The following KIF16B variants were observed in gnomAD, a reference collection of about 807,000 sequenced individuals.
KIF16B encodes kinesin family member 16B.
Under a neutral mutation model 156.3 loss-of-function variants are expected in KIF16B, and 98 were observed. The observed-to-expected ratio is 0.63, with a 90% confidence interval of 0.53 to 0.74. The LOEUF is 0.74. Among genes scored for constraint, KIF16B ranks in the 30% least tolerant of loss-of-function variants. The pLI, the probability that KIF16B is intolerant of heterozygous loss-of-function variation, is 0.00. For synonymous variants in KIF16B, 564 were observed against 583.7 expected, an observed-to-expected ratio of 0.97 and a Z score of 0.49; for missense variants, 1,421 against 1,606.5, an observed-to-expected ratio of 0.88 and a Z score of 1.97.
intron 24 of KIF16B, among the ~76,000 whole-genome samples, chr20:16,320,204 A>G (rs1243667774): frequency 6.6e-6 from 1 of 152,168 alleles, no homozygotes; most frequent in Non-Finnish European, 1.5e-5. Flanking sequence ...ATCGACATCA[A>G]CCAATAAACC....
intron 22 of KIF16B, among the ~76,000 whole-genome samples, chr20:16,364,126 C>T (rs56366139): frequency 0.011 from 1,699 of 152,272 alleles, 10 homozygotes; most frequent in Non-Finnish European, 0.016. Context: ...GGCTTAAGTA[C>T]TCTCTTCCAA....
chr20:16,334,161 A>G (rs1027699360), intron 24 of KIF16B, among the ~76,000 whole-genome samples: 2 of 152,216 alleles, frequency 1.3e-5, no homozygotes, highest in South Asian at 2.1e-4. Context: ...GTGTGTATAT[A>G]AAGTCTGAGT....
chr20:16,549,498 C>T (rs1487205285), intron 1 of KIF16B, among the ~76,000 whole-genome samples: 1 of 151,882 alleles, frequency 6.6e-6, no homozygotes, highest in Non-Finnish European at 1.5e-5. Context: ...CCGCAATAAA[C>T]ATACGTGTGC....
In KIF16B at chr20:16,380,146, A is replaced by T. The variant is rs1166704672; in HGVS notation, c.1856T>A (p.Met619Lys). 1 of 1,504,072 alleles carries T rather than the reference A, an allele frequency of 6.6e-7. No homozygotes were observed. The highest frequency in any genetic ancestry group is 1.4e-5 in the South Asian group (1 of 70,868). 93.2% of individuals were successfully genotyped at this position (1,504,072 alleles called of 1,614,324 possible). Reference sequence around the variant, plus strand: ...CTTGTCTGATTTCTGCTTTTCCTCCATTTCTTCTATGAGTTTCCTGAAATG... The same window carrying T: ...CTTGTCTGATTTCTGCTTTTCCTCCTTTTCTTCTATGAGTTTCCTGAAATG... ...LESKRKLIEE[M>K]EEKQKSDKAE... Residue 619 changes from methionine to lysine, a missense_variant, in exon 19 of 26, where the codon ATG becomes AAG. Transcript: ENST00000354981.
At position 16,379,299 on chromosome 20, in the gene KIF16B, C is replaced by A. The variant is rs765379253; in HGVS notation, c.2703G>T (p.Arg901Ser). Residue 901 changes from arginine (R) to serine (S), a missense_variant, in exon 19 of 26, where the codon AGG (arginine) becomes AGT (serine). By Grantham distance (110) the Arg-to-Ser change is moderately radical. Transcript: ENST00000354981. ...GTAGCTGGCGTTCTTTATATTGCAGCCTGTACTCCACTGGCTTTATTTTCT... is the reference window on the plus strand; with the variant it reads ...GTAGCTGGCGTTCTTTATATTGCAGACTGTACTCCACTGGCTTTATTTTCT... ...DFEKIKPVEYRLQYKERQLQY... is the reference protein window; with the variant it reads ...DFEKIKPVEYSLQYKERQLQY... The A allele has an allele frequency of 6.2e-7, 1 of 1,612,892 alleles. No individual in the cohort carries two copies. The highest frequency in any genetic ancestry group is 1.1e-5 in the South Asian group (1 of 90,900).
intron 24 of KIF16B, among the ~76,000 whole-genome samples, chr20:16,327,534 G>A (rs1410052918): frequency 6.6e-6 from 1 of 152,094 alleles, no homozygotes; most frequent in Non-Finnish European, 1.5e-5. Flanking sequence ...AACATCCTAT[G>A]GAGGATTTGC....
At chr20:16,360,930 C>T (rs933471071) in intron 22 of KIF16B, among the ~76,000 whole-genome samples, 28 of 152,138 alleles carry the variant, frequency 1.8e-4, no homozygotes, top group Admixed American at 4.6e-4. Flanking sequence ...GAACATGAAA[C>T]GGTCCAGGTC....
At chr20:16,381,774 A>G (rs1267168788) in intron 17 of KIF16B, 27 bp from the exon 18 acceptor site, 1 of 1,582,546 alleles carries the variant, frequency 6.3e-7, no homozygotes, top group South Asian at 1.1e-5. Flanking sequence ...AAAATGAGTC[A>G]CTTTTCTAAA....
chr20:16,516,666 ACCAC>A (rs1260500721), intron 3 of KIF16B, among the ~76,000 whole-genome samples: 4 of 152,196 alleles, frequency 2.6e-5, no homozygotes, highest in Non-Finnish European at 5.9e-5. Context: ...TATGAGTGAC[ACCAC>A]ATCAGCCAAC....
chr20:16,401,028 T>C (rs1390588721), intron 17 of KIF16B, among the ~76,000 whole-genome samples: 2 of 152,148 alleles, frequency 1.3e-5, no homozygotes, highest in Non-Finnish European at 2.9e-5. Context: ...GCAACTAAAA[T>C]TGATGGGCAA....
chr20:16,418,466 G>A (rs982014033), intron 15 of KIF16B, among the ~76,000 whole-genome samples: 10 of 152,084 alleles, frequency 6.6e-5, no homozygotes, highest in African/African-American at 1.7e-4. Context: ...CATTCCTCAA[G>A]GTTCAACAGA....
intron 23 of KIF16B, among the ~76,000 whole-genome samples, chr20:16,339,679 T>G (rs1443539382): frequency 6.6e-6 from 1 of 152,192 alleles, no homozygotes; most frequent in African/African-American, 2.4e-5. Flanking sequence ...ACAATGCTAT[T>G]CTTCTCCCTG....
chr20:16,510,854 G>A lies in KIF16B; in HGVS notation c.556+564C>T, dbSNP rs970709963. The stretch of plus-strand genomic sequence containing the variant: ...ATTCTAAGTTGCCTTATACAGAGGT[G>A]GTAAGATCAGCTTCATTATGAGGAC... On this transcript the variant is annotated intron_variant, in intron 6 of 25. Coordinates refer to ENST00000354981, the MANE Select transcript of KIF16B (RefSeq NM_024704.5). Among the ~76,000 whole-genome samples the A allele has an allele frequency of 3.3e-5, 5 of 152,232 alleles. No homozygotes were observed. The South Asian group carries it at 1.0e-3, about 32-fold the overall frequency.
intron 15 of KIF16B, among the ~76,000 whole-genome samples, chr20:16,410,024 T>C (rs2065893865): frequency 9.2e-6 from 1 of 108,210 alleles, no homozygotes; most frequent in African/African-American, 3.6e-5. Context: ...GGTACATATA[T>C]ATATGTAGGT....
At chr20:16,451,401 T>C (rs1213579508) in intron 12 of KIF16B, among the ~76,000 whole-genome samples, 1 of 152,154 alleles carries the variant, frequency 6.6e-6, no homozygotes, top group Non-Finnish European at 1.5e-5. Flanking sequence ...TCTCTTAGTA[T>C]TTAAATTTTC....
intron 25 of KIF16B, among the ~76,000 whole-genome samples, chr20:16,273,973 C>T (rs1388526323): frequency 1.3e-5 from 2 of 151,790 alleles, no homozygotes; most frequent in Admixed American, 1.3e-4. Flanking sequence ...GGGTGCCAGG[C>T]ACAGGGGATC....
At chr20:16,479,874 T>C (rs1277679060) in intron 12 of KIF16B, among the ~76,000 whole-genome samples, 2 of 152,128 alleles carry the variant, frequency 1.3e-5, no homozygotes, top group Non-Finnish European at 2.9e-5. Context: ...TTAGAACACA[T>C]CATTGACACC....
chr20:16,278,680 AC>A (rs2063100170), intron 25 of KIF16B, among the ~76,000 whole-genome samples: 1 of 152,174 alleles, frequency 6.6e-6, no homozygotes, highest in South Asian at 2.1e-4. Flanking sequence ...ACAAACAAAC[AC>A]AAAATCCTGT....
chr20:16,471,506 A>G (rs1375337657), intron 12 of KIF16B, among the ~76,000 whole-genome samples: 1 of 152,246 alleles, frequency 6.6e-6, no homozygotes, highest in Non-Finnish European at 1.5e-5. Context: ...AATCTGCCTC[A>G]CAATGATATA....
Sources: allele counts gnomAD v4.1 joint callset (sites outside exome capture counted in the v4.1 genomes callset), GRCh38; gene constraint gnomAD v4.1.1; transcripts MANE v1.5; gene names NCBI Gene and HGNC (gene_info 2026-07-23, HGNC 2026-07-21).